Variants in ARHGEF18 observed in about 807,000 individuals in gnomAD.
ARHGEF18 encodes the protein rho guanine nucleotide exchange factor 18.
In ARHGEF18, 93 loss-of-function variants were observed where a neutral mutation model predicts 155.7. The observed-to-expected ratio is 0.60, with a 90% CI of 0.50 to 0.71. ARHGEF18 has a LOEUF of 0.71. ARHGEF18 is among the 30% of genes least tolerant of loss of function. ARHGEF18 has a pLI of 0.00. For missense variants in ARHGEF18, 1,593 were observed against 1,816.1 expected, an observed-to-expected ratio of 0.88 and a Z score of 2.23; for synonymous variants, 742 against 753.1, an observed-to-expected ratio of 0.99 and a Z score of 0.24.
In ARHGEF18 at chr19:7,440,126, C is replaced by A; in HGVS notation, c.968-218C>A. On this transcript the variant is annotated intron_variant, in intron 10 of 28. Transcript: ENST00000668164. The surrounding 1 kb of genome is among the most constrained non-coding windows in gnomAD (Gnocchi z 5.4). ...ACATGGGGAATGCGCACTCCAAAAG[C>A]GGGGACAGGCACAGCGCGCTCCCCG... 1.9e-6 allele frequency: 3 copies of A among 1,551,134 alleles called. No individual in the cohort carries two copies. The highest frequency in any genetic ancestry group is 2.6e-6 in the Non-Finnish European group (3 of 1,146,844).
intron 18 of ARHGEF18, among the ~76,000 whole-genome samples, chr19:7,457,016 G>A (rs989995918): frequency 8.5e-5 from 13 of 152,130 alleles, no homozygotes; most frequent in East Asian, 1.9e-4. Flanking sequence ...GATTACAGTC[G>A]TGCGCCACCG....
chr19:7,379,436 G>A (rs1050676148), intron 7 of ARHGEF18, among the ~76,000 whole-genome samples: 7 of 152,208 alleles, frequency 4.6e-5, no homozygotes, highest in African/African-American at 1.7e-4. Flanking sequence ...GCACGCACCT[G>A]TAATCCCAGC....
chr19:7,461,711 T>C (rs577400439), intron 20 of ARHGEF18, among the ~76,000 whole-genome samples: 1 of 152,294 alleles, frequency 6.6e-6, no homozygotes, highest in East Asian at 1.9e-4. Flanking sequence ...TCTTGCTTTG[T>C]TGGCCAGGCT....
At chr19:7,349,645 G>A (rs1042670515) in intron 1 of ARHGEF18, among the ~76,000 whole-genome samples, 1 of 152,130 alleles carries the variant, frequency 6.6e-6, no homozygotes, top group African/African-American at 2.4e-5. Context: ...AGGCGTGGTG[G>A]CGGGCAGCTG....
chr19:7,464,971 A>G (rs1568364648), intron 23 of ARHGEF18, among the ~76,000 whole-genome samples: 1 of 152,204 alleles, frequency 6.6e-6, no homozygotes, highest in Non-Finnish European at 1.5e-5. Context: ...GGAACCCCCT[A>G]CAGGGACCAC....
rs36131539 is a variant in ARHGEF18, at chr19:7,450,975, C to T, written c.1738-174C>T. Among the ~76,000 whole-genome samples, 240 of 151,780 alleles carry T rather than the reference C, an allele frequency of 1.6e-3. 1 individual carries two copies. The highest frequency in any genetic ancestry group is 2.6e-3 in the Non-Finnish European group (176 of 67,834). ...AATGCGGGATCTTGCTGTCCGTTTCCGAGATGTTAATGCAGGATCTTGCTG... is the reference window on the plus strand; with the variant it reads ...AATGCGGGATCTTGCTGTCCGTTTCTGAGATGTTAATGCAGGATCTTGCTG... On this transcript the variant is annotated intron_variant, in intron 15 of 28. Coordinates refer to ENST00000668164, the MANE Select transcript of ARHGEF18 (RefSeq NM_001367823.1).
At chr19:7,474,399 T>C (rs1435867122), downstream of ARHGEF18, among the ~76,000 whole-genome samples, 1 of 152,032 alleles carries the variant, frequency 6.6e-6, no homozygotes, top group African/African-American at 2.4e-5. Flanking sequence ...TTTTTTGACA[T>C]GGAGTCTTGC....
chr19:7,437,649 T>C (rs199882639), intron 10 of ARHGEF18, among the ~76,000 whole-genome samples: 1 of 144,210 alleles, frequency 6.9e-6, no homozygotes, highest in African/African-American at 2.6e-5. Flanking sequence ...CTTTTTTTTT[T>C]CTTTTTTTTT....
intron 22 of ARHGEF18, 70 bp downstream of exon 22, chr19:7,464,025 G>A: frequency 2.0e-6 from 3 of 1,479,182 alleles, no homozygotes; most frequent in Non-Finnish European, 2.7e-6. Context: ...CTTGTATGGG[G>A]TTTCCTAGAA....
rs1024381404 is a variant in ARHGEF18 at position 7,470,889 on chromosome 19, C to T, written c.*591C>T. On this transcript the variant is annotated 3_prime_UTR_variant, in exon 29 of 29. Transcript: ENST00000668164. The surrounding 1 kb of genome is among the most constrained non-coding windows in gnomAD (Gnocchi z 5.9). ...TCAGGGTCAGGGAATGAGCCAGGCA[C>T]GGGGGCATGGGCAGAGAGGGCCACG... The T allele has an allele frequency of 3.2e-5, 13 of 401,096 alleles. No homozygotes were observed. Among genetic ancestry groups the T allele is most frequent in the African/African-American group, 1.6e-4 (8 of 48,706 alleles). 24.8% of individuals were successfully genotyped at this position (401,096 alleles called of 1,614,324 possible). A position where few individuals can be genotyped will look rare whatever the true frequency, so the allele number is the denominator to read the frequency against.
In ARHGEF18 at chr19:7,361,238, C is replaced by G. The variant is rs552200175; in HGVS notation, c.-110-1543C>G. On this transcript the variant is annotated intron_variant, in intron 1 of 28. Transcript: ENST00000668164. The stretch of plus-strand genomic sequence containing the variant: ...ATTGCCTGAGCTCAGGAGTTCCGGA[C>G]CAGCCTGGCCAACGTAGCAAGACCC... Among the ~76,000 whole-genome samples the G allele has an allele frequency of 5.3e-5, 8 of 152,244 alleles. No homozygotes were observed. In the South Asian group the frequency reaches 1.7e-3, roughly 32 times the overall value.
intron 26 of ARHGEF18, among the ~76,000 whole-genome samples, chr19:7,468,466 G>GA (rs1280084441): frequency 6.6e-6 from 1 of 152,192 alleles, no homozygotes; most frequent in Admixed American, 6.5e-5. Flanking sequence ...GGGATCATTT[G>GA]AGCCCAAGAG....
At chr19:7,442,190 TTTCTCTCTTTCC>T (rs1974702780) in intron 13 of ARHGEF18, 138 bp downstream of exon 13, 2 of 1,187,396 alleles carry the variant, frequency 1.7e-6, no homozygotes, top group Non-Finnish European at 2.4e-6. Context: ...TCTTTCTTTC[TTTCTCTCTTTCC>T]TTCTCTCTTT....
chr19:7,419,667 C>T (rs374797911), intron 10 of ARHGEF18, among the ~76,000 whole-genome samples: 21 of 152,154 alleles, frequency 1.4e-4, no homozygotes, highest in East Asian at 9.7e-4. Context: ...CTAAACCTCA[C>T]GGAGGATTCT....
At position 7,467,351 on chromosome 19, in the gene ARHGEF18, G is replaced by C. The variant is rs1457400687; in HGVS notation, c.3147G>C (p.Gln1049His). The C allele has an allele frequency of 6.5e-7, 1 of 1,536,262 alleles. No homozygotes were observed. Among genetic ancestry groups the C allele is most frequent in the Non-Finnish European group, 8.7e-7 (1 of 1,146,550 alleles). The change falls in exon 26 of 29, where the codon CAG (glutamine) becomes CAC (histidine). Residue 1049 changes from glutamine (Q) to histidine (H), a missense_variant. Coordinates refer to ENST00000668164, the MANE Select transcript of ARHGEF18 (RefSeq NM_001367823.1). Reference protein sequence around the residue: ...EQERQRNFEKQREERAALEKL... With the variant: ...EQERQRNFEKHREERAALEKL... ...AGCGGCAACGCAACTTCGAGAAGCA[G>C]CGGGAGGAGCGCGCGGCCCTGGAGA...
intron 10 of ARHGEF18, among the ~76,000 whole-genome samples, chr19:7,420,962 G>T (rs2060297734): frequency 6.6e-6 from 1 of 152,108 alleles, no homozygotes; most frequent in Admixed American, 6.6e-5. Flanking sequence ...AAACAGTCTT[G>T]CTCTGTCGCC....
chr19:7,477,062 T>A, downstream of ARHGEF18: 2 of 736,396 alleles, frequency 2.7e-6, no homozygotes, highest in African/African-American at 1.8e-5. Flanking sequence ...GGACCTCGCA[T>A]CAGTCCCTCC....
downstream of ARHGEF18, among the ~76,000 whole-genome samples, chr19:7,474,349 GA>G (rs1163006638): frequency 6.6e-6 from 1 of 151,326 alleles, no homozygotes; most frequent in Non-Finnish European, 1.5e-5. Flanking sequence ...AAAAAAAAAA[GA>G]AAAAAAGGAT....
rs1555729789 is a variant in ARHGEF18, at chr19:7,466,836, AAAG to A, written c.2905-66_2905-64del. Reference sequence around the variant, plus strand: ...AAAAAAAAAAAAAAAAGTTAAAAAAAAAGAAGAAGAAGAAGAAGGCTTGAGTCT... The same window carrying A: ...AAAAAAAAAAAAAAAAGTTAAAAAAAAAGAAGAAGAAGAAGGCTTGAGTCT... On this transcript the variant is annotated intron_variant, in intron 23 of 28. Transcript: ENST00000668164. The A allele has an allele frequency of 1.2e-3, 1,271 of 1,092,218 alleles. 3 individuals carry two copies. The highest frequency in any genetic ancestry group is 4.4e-3 in the Admixed American group (181 of 41,590). The allele number at this position is 1,092,218 out of a possible 1,614,324, so 67.7% of individuals were successfully genotyped here.
Sources: allele counts gnomAD v4.1 joint callset (sites outside exome capture counted in the v4.1 genomes callset), GRCh38; gene constraint gnomAD v4.1.1; non-coding constraint Gnocchi (gnomAD v3.1); transcripts MANE v1.5; gene names NCBI Gene and HGNC (gene_info 2026-07-23, HGNC 2026-07-21).